The following SLC9C1 variants were observed in gnomAD, a reference collection of about 807,000 sequenced individuals.
SLC9C1 encodes the protein solute carrier family 9 member C1.
A neutral mutation model predicts 140.9 loss-of-function variants in SLC9C1; 97 were observed. The ratio of observed to expected loss-of-function variants is 0.69; its 90% confidence interval spans 0.58 to 0.82. The LOEUF (loss-of-function observed/expected upper bound fraction) is 0.82, where lower values mean the gene tolerates loss of function less well. Among genes scored for constraint, SLC9C1 ranks in the 40% least tolerant of loss-of-function variants. The probability of loss-of-function intolerance (pLI) is 0.00; values close to 1 mark genes in which losing one functional copy is unlikely to be tolerated. For synonymous variants in SLC9C1, 440 were observed against 442.6 expected (o/e 0.99, Z 0.07); for missense variants, 1,340 against 1,389.3 (o/e 0.96, Z 0.56).
intron 20 of SLC9C1, among the ~76,000 whole-genome samples, chr3:112,192,421 A>G (rs1008926376): frequency 2.6e-5 from 4 of 152,220 alleles, no homozygotes; most frequent in Non-Finnish European, 2.9e-5. Context: ...ATTGTAGTAT[A>G]TATCAGGATT....
intron 26 of SLC9C1, among the ~76,000 whole-genome samples, chr3:112,163,676 A>G (rs1407727270): frequency 6.6e-6 from 1 of 152,008 alleles, no homozygotes; most frequent in African/African-American, 2.4e-5. Context: ...TTTGCTGAGG[A>G]GAGCTTTACT....
intron 14 of SLC9C1, among the ~76,000 whole-genome samples, chr3:112,218,529 A>AAAT (rs1560083189): frequency 6.6e-6 from 1 of 152,238 alleles, no homozygotes. Flanking sequence ...AATATGCGGT[A>AAAT]AATAAATGGA....
chr3:112,181,655 A>G (rs528568734), intron 21 of SLC9C1, among the ~76,000 whole-genome samples: 27 of 152,198 alleles, frequency 1.8e-4, no homozygotes, highest in Non-Finnish European at 3.4e-4. Flanking sequence ...ATACAATGGC[A>G]GCAATATTGG....
In SLC9C1 at chr3:112,277,852, TA is replaced by T; in HGVS notation, c.326del (p.Leu109Ter). ...TAACCAAAAAGCCGGGAATTGAAATTAAAAGTATCTGCAAAGAAATTTTACA... is the reference window on the plus strand; with the variant it reads ...TAACCAAAAAGCCGGGAATTGAAATTAAAGTATCTGCAAAGAAATTTTACA... Reference protein sequence around the residue: ...MLQKLFWQILLISIPGFLVNY... With the variant: ...MLQKLFWQILXISIPGFLVNY... On this transcript the variant is annotated frameshift_variant, in exon 5 of 29. Coordinates refer to ENST00000305815, the MANE Select transcript of SLC9C1 (RefSeq NM_183061.3). LOFTEE classifies it high-confidence loss of function. 1 of 1,593,612 alleles carries T rather than the reference TA, an allele frequency of 6.3e-7. No homozygotes were observed. The highest frequency in any genetic ancestry group is 8.5e-7 in the Non-Finnish European group (1 of 1,173,756).
At chr3:112,264,006 C>A in intron 9 of SLC9C1, among the ~76,000 whole-genome samples, 194 bp downstream of exon 9, 1 of 150,864 alleles carries the variant, frequency 6.6e-6, no homozygotes, top group Non-Finnish European at 1.5e-5. Flanking sequence ...ATTAAAAAAA[C>A]TTATAGAGTT....
chr3:112,211,287 A>C (rs9841885), intron 15 of SLC9C1, among the ~76,000 whole-genome samples: 114,763 of 152,094 alleles, frequency 0.75, 43,713 homozygotes, highest in East Asian at 0.99. Flanking sequence ...TGAGTGACAC[A>C]GAAGACAGGT....
Position 112,269,910 on chromosome 3 carries a change from A to T in SLC9C1, c.775+6T>A, listed in dbSNP as rs1319952880. 6.7e-7 allele frequency: 1 copy of T among 1,502,754 alleles called. No individual in the cohort carries two copies. Among genetic ancestry groups the T allele is most frequent in the East Asian group, 2.5e-5 (1 of 40,686 alleles). 93.1% of individuals were successfully genotyped at this position (1,502,754 alleles called of 1,614,324 possible). On this transcript the variant is annotated splice_donor_region_variant and intron_variant, in intron 7 of 28. Coordinates refer to ENST00000305815, the MANE Select transcript of SLC9C1 (RefSeq NM_183061.3). ...ATTTTATTTTAGGCATAGGCCCCTC[A>T]CTTACAAATATAAAAGATGAGATAC...
At position 112,169,646 on chromosome 3, in the gene SLC9C1, A is replaced by G. The variant is rs192028225; in HGVS notation, c.2920-318T>C. 1.0e-3 allele frequency among the ~76,000 whole-genome samples: 153 copies of G among 152,194 alleles called. 3 individuals are homozygous for G. In the East Asian group the frequency reaches 0.013, roughly 13 times the overall value. ...TTGATTACTATATCTTTATAGTATA[A>G]TTTGAAGTTAGGTGATGTGATTCCC... On this transcript the variant is annotated intron_variant, in intron 23 of 28. Transcript: ENST00000305815.
rs1263114573 is a variant in SLC9C1, at chr3:112,274,998, A to G, written c.512T>C (p.Ile171Thr). 1 of 1,577,490 alleles carries G rather than the reference A, an allele frequency of 6.3e-7. No homozygotes were observed. Among genetic ancestry groups the G allele is most frequent in the Non-Finnish European group, 8.6e-7 (1 of 1,169,260 alleles). Reference sequence around the variant, plus strand: ...AGAGGTCATCAGACTTTCTCCATTAATTAAACTGATGAGGCTTCTAGAAAG... The same window carrying G: ...AGAGGTCATCAGACTTTCTCCATTAGTTAAACTGATGAGGCTTCTAGAAAG... ...LGLSRSLISL[I>T]NGESLMTSVI... Residue 171 changes from isoleucine (I) to threonine (T), a missense_variant, in exon 6 of 29, where the codon ATT becomes ACT. Physicochemically the swap from Ile to Thr is moderately conservative, Grantham distance 89. Transcript: ENST00000305815.
chr3:112,177,657 C>T (rs2077364291), intron 23 of SLC9C1, among the ~76,000 whole-genome samples: 1 of 142,946 alleles, frequency 7.0e-6, no homozygotes, highest in South Asian at 2.3e-4. Context: ...ATAAGTTTAC[C>T]TATATAACAA....
chr3:112,157,288 A>G (rs2075152432), intron 26 of SLC9C1, among the ~76,000 whole-genome samples: 2 of 151,798 alleles, frequency 1.3e-5, no homozygotes, highest in Admixed American at 6.6e-5. Flanking sequence ...CCTTTCCCCA[A>G]TGTATGTTCT....
chr3:112,146,552 G>C (rs570502146), intron 28 of SLC9C1, among the ~76,000 whole-genome samples: 1 of 152,044 alleles, frequency 6.6e-6, no homozygotes, highest in African/African-American at 2.4e-5. Flanking sequence ...TTTTTGCCTT[G>C]ATTTAATTGT....
At chr3:112,252,997 T>G (rs141627979) in intron 10 of SLC9C1, among the ~76,000 whole-genome samples, 114 of 152,206 alleles carry the variant, frequency 7.5e-4, no homozygotes, top group African/African-American at 2.5e-3. Context: ...AATGATACCT[T>G]CAGGTCCTGG....
At chr3:112,159,993 G>A (rs978479018) in intron 26 of SLC9C1, among the ~76,000 whole-genome samples, 13 of 151,462 alleles carry the variant, frequency 8.6e-5, no homozygotes, top group African/African-American at 3.1e-4. Context: ...GCATATAGTT[G>A]GGTTTTATTT....
intron 14 of SLC9C1, among the ~76,000 whole-genome samples, chr3:112,219,257 G>A (rs1191500393): frequency 6.6e-6 from 1 of 152,098 alleles, no homozygotes; most frequent in Non-Finnish European, 1.5e-5. Context: ...CCTGACACAT[G>A]AGGCACTCAT....
At chr3:112,149,583 C>CTGGGCTTGGAGCATAGATTGTG (rs2074900926) in intron 28 of SLC9C1, among the ~76,000 whole-genome samples, 1 of 152,120 alleles carries the variant, frequency 6.6e-6, no homozygotes, top group Non-Finnish European at 1.5e-5. Flanking sequence ...AGAGAGAGCC[C>CTGGGCTTGGAGCATAGATTGTG]TGCTGCACCA....
intron 6 of SLC9C1, among the ~76,000 whole-genome samples, chr3:112,273,844 T>G (rs367702268): frequency 6.6e-6 from 1 of 152,076 alleles, no homozygotes; most frequent in East Asian, 1.9e-4. Context: ...ACCATACAGA[T>G]CAATGGATTA....
At position 112,154,984 on chromosome 3, in the gene SLC9C1, G is replaced by C; in HGVS notation, c.3417+13C>G. 1 of 1,607,984 alleles carries C rather than the reference G, an allele frequency of 6.2e-7. No homozygotes were observed. On this transcript the variant is annotated intron_variant, in intron 27 of 28. Coordinates refer to ENST00000305815, the MANE Select transcript of SLC9C1 (RefSeq NM_183061.3). ...CCAAAATACAACTTTTAGAAAGGCT[G>C]CTTTAAATTTACCTCCTTAACATTT...
Position 112,286,793 on chromosome 3 carries a change from T to C in SLC9C1, c.-2A>G. On this transcript the variant is annotated 5_prime_UTR_variant, in exon 2 of 29. Transcript: ENST00000305815. ...AAACTCCTTAAATATTCCAGCCATG[T>C]TTCAGAAAAATTTTTATGCAGATTT... is the stretch of plus-strand genomic sequence containing the variant. 1 of 1,609,530 alleles carries C rather than the reference T, an allele frequency of 6.2e-7. No individual in the cohort carries two copies. The highest frequency in any genetic ancestry group is 8.5e-7 in the Non-Finnish European group (1 of 1,178,066).
Sources: gnomAD v4.1 joint callset for allele counts (sites outside exome capture counted in the v4.1 genomes callset) on GRCh38, gnomAD v4.1.1 for gene constraint, MANE v1.5 for transcripts, NCBI Gene and HGNC (gene_info 2026-07-23, HGNC 2026-07-21) for gene names.